NR5A2: variants seen among roughly 807,000 people sequenced by gnomAD.
The protein encoded by NR5A2 is nuclear receptor subfamily 5 group A member 2, also known as CYP7A promoter-binding factor.
NR5A2 carries 26 observed loss-of-function variants against 62.7 expected under a neutral mutation model. That is an observed-to-expected ratio of 0.41 (90% CI 0.30 to 0.58). The LOEUF is 0.58. NR5A2 is among the 20% of genes least tolerant of loss of function. The pLI, the probability that NR5A2 is intolerant of heterozygous loss-of-function variation, is 0.22. For synonymous variants in NR5A2, 246 were observed against 241.7 expected (o/e 1.02, Z -0.16); for missense variants, 541 against 669.1 (o/e 0.81, Z 2.11).
At chr1:200,158,712 A>G (rs1653495987) in intron 7 of NR5A2, among the ~76,000 whole-genome samples, 1 of 152,130 alleles carries the variant, frequency 6.6e-6, no homozygotes, top group Admixed American at 6.6e-5. Context: ...CTTCTTATCC[A>G]AAATAAACCC....
chr1:200,174,610 G>A lies in NR5A2; in HGVS notation c.*400G>A, dbSNP rs1438236027. 3 of 153,598 alleles carry A rather than the reference G, an allele frequency of 2.0e-5. No individual in the cohort carries two copies. The highest frequency in any genetic ancestry group is 7.2e-5 in the African/African-American group (3 of 41,474). The allele number at this position is 153,598 out of a possible 1,614,324, so 9.5% of individuals were successfully genotyped here. On this transcript the variant is annotated 3_prime_UTR_variant, in exon 8 of 8. Transcript: ENST00000367362. ...TTATTAATTAGGCTTATACAGCGGGGGATTTGAGCTTACAGGATTCCTCCA... is the reference window on the plus strand; with the variant it reads ...TTATTAATTAGGCTTATACAGCGGGAGATTTGAGCTTACAGGATTCCTCCA...
At chr1:200,059,993 G>A (rs1015923374) in intron 5 of NR5A2, among the ~76,000 whole-genome samples, 2 of 152,100 alleles carry the variant, frequency 1.3e-5, no homozygotes, top group Non-Finnish European at 2.9e-5. Context: ...TTGAATATCT[G>A]ATACTTAAAA....
chr1:200,130,316 AAGAAG>A (rs1180597848), intron 7 of NR5A2, among the ~76,000 whole-genome samples: 4 of 26,368 alleles, frequency 1.5e-4, no homozygotes, highest in East Asian at 1.6e-3. Flanking sequence ...GAAGAAGAAG[AAGAAG>A]AAAAAAAAAA....
At chr1:200,172,629 G>T (rs1420656965) in intron 7 of NR5A2, among the ~76,000 whole-genome samples, 2 of 152,146 alleles carry the variant, frequency 1.3e-5, no homozygotes. Context: ...CAAAGCTATG[G>T]CCCAAATGTA....
intron 5 of NR5A2, among the ~76,000 whole-genome samples, 154 bp from the exon 6 acceptor site, chr1:200,111,048 A>G (rs1480386152): frequency 2.6e-5 from 4 of 152,178 alleles, no homozygotes; most frequent in African/African-American, 9.7e-5. Flanking sequence ...CAGTGATATG[A>G]ATTCTGGGCA....
chr1:200,099,298 G>A (rs1236382482), intron 5 of NR5A2, among the ~76,000 whole-genome samples: 1 of 151,380 alleles, frequency 6.6e-6, no homozygotes, highest in African/African-American at 2.4e-5. Flanking sequence ...CCTGATGGAA[G>A]CAGCCAGCCA....
chr1:200,068,571 G>T (rs1381338769), intron 5 of NR5A2, among the ~76,000 whole-genome samples: 1 of 152,160 alleles, frequency 6.6e-6, no homozygotes, highest in Non-Finnish European at 1.5e-5. Context: ...CAGCTTTGCG[G>T]ACTCTAAATT....
intron 5 of NR5A2, among the ~76,000 whole-genome samples, chr1:200,073,481 T>G (rs1397320056): frequency 2.0e-5 from 3 of 151,570 alleles, no homozygotes; most frequent in African/African-American, 7.3e-5. Flanking sequence ...ACATATAACC[T>G]CCCATGTACT....
At chr1:200,149,216 G>C (rs1343725902) in intron 7 of NR5A2, among the ~76,000 whole-genome samples, 1 of 152,282 alleles carries the variant, frequency 6.6e-6, no homozygotes, top group East Asian at 1.9e-4. Context: ...CCGGCCACAC[G>C]CAGTACACTT....
At chr1:200,057,583 A>G (rs1363330379) in intron 5 of NR5A2, 2 of 344,328 alleles carry the variant, frequency 5.8e-6, no homozygotes, top group Non-Finnish European at 1.2e-5. Context: ...CATTCAAGTG[A>G]TTCGCCTGCC....
At chr1:200,172,697 A>G (rs576516508) in intron 7 of NR5A2, among the ~76,000 whole-genome samples, 1 of 152,336 alleles carries the variant, frequency 6.6e-6, no homozygotes, top group African/African-American at 2.4e-5. Context: ...CCCAGTGTAA[A>G]GCCATTTAGA....
intron 5 of NR5A2, among the ~76,000 whole-genome samples, chr1:200,066,810 A>G (rs1430132449): frequency 6.6e-6 from 1 of 151,996 alleles, no homozygotes; most frequent in Non-Finnish European, 1.5e-5. Context: ...GTGATCTCGA[A>G]CTTCTGACCT....
rs961655334 is a variant in NR5A2 at position 200,056,917 on chromosome 1, C to T, written c.1110+8099C>T. Among the ~76,000 whole-genome samples, 4 of 152,118 alleles carry T rather than the reference C, an allele frequency of 2.6e-5. No homozygotes were observed. The East Asian group carries it at 5.8e-4, about 22-fold the overall frequency. On this transcript the variant is annotated intron_variant, in intron 5 of 7. Coordinates refer to ENST00000367362, the MANE Select transcript of NR5A2 (RefSeq NM_205860.3). Reference sequence around the variant, plus strand: ...AGTGAGAGTAGGACCACACTGCTACCGCATACCTGACTGCCTCATTCTGTG... The same window carrying T: ...AGTGAGAGTAGGACCACACTGCTACTGCATACCTGACTGCCTCATTCTGTG...
intron 5 of NR5A2, among the ~76,000 whole-genome samples, chr1:200,110,733 CTTTTA>C (rs1449948244): frequency 6.6e-6 from 1 of 152,132 alleles, no homozygotes; most frequent in Non-Finnish European, 1.5e-5. Flanking sequence ...TGCTAATTTT[CTTTTA>C]TATGAATTCT....
At chr1:200,042,963 G>C in intron 2 of NR5A2, 5 of 985,484 alleles carry the variant, frequency 5.1e-6, no homozygotes, top group Non-Finnish European at 6.0e-6. Flanking sequence ...GGGCGATCTC[G>C]AGGTGTTTAT....
rs192504927 is a variant in NR5A2, at chr1:200,140,355, G to A, written c.1378+19400G>A. Among the ~76,000 whole-genome samples, 628 of 152,238 alleles carry A rather than the reference G, an allele frequency of 4.1e-3. 5 individuals are homozygous for A. The highest frequency in any genetic ancestry group is 0.014 in the African/African-American group (585 of 41,554). On this transcript the variant is annotated intron_variant, in intron 7 of 7. Coordinates refer to ENST00000367362, the MANE Select transcript of NR5A2 (RefSeq NM_205860.3). ...GCCTCCCAAAGTGCTGGGATCACAG[G>A]CGAGCACCACCACACCTCGCCACTT...
chr1:200,065,463 G>T (rs560275800), intron 5 of NR5A2, among the ~76,000 whole-genome samples: 1 of 152,272 alleles, frequency 6.6e-6, no homozygotes, highest in East Asian at 1.9e-4. Context: ...TTTTAACCTT[G>T]AACTGATTTA....
intron 7 of NR5A2, among the ~76,000 whole-genome samples, chr1:200,149,708 G>A (rs562906492): frequency 2.0e-5 from 3 of 152,170 alleles, no homozygotes; most frequent in Admixed American, 6.5e-5. Context: ...GCATCACAAT[G>A]CCGGGAGTGC....
At chr1:200,126,807 C>T (rs1986405) in intron 7 of NR5A2, among the ~76,000 whole-genome samples, 4 of 151,642 alleles carry the variant, frequency 2.6e-5, no homozygotes, top group Non-Finnish European at 5.9e-5. Flanking sequence ...ATGAGCCACT[C>T]TGCCTGGCCT....
Sources: allele counts gnomAD v4.1 joint callset (sites outside exome capture counted in the v4.1 genomes callset), GRCh38; gene constraint gnomAD v4.1.1; transcripts MANE v1.5; gene names NCBI Gene and HGNC (gene_info 2026-07-23, HGNC 2026-07-21).